CLEC4D: variants seen among roughly 807,000 people sequenced by gnomAD.
CLEC4D encodes the protein C-type lectin domain family 4 member D, also known as C-type (calcium dependent, carbohydrate-recognition domain) lectin, superfamily member 8.
CLEC4D carries 21 observed loss-of-function variants against 21.1 expected under a neutral mutation model. The ratio of observed to expected loss-of-function variants is 1.00; its 90% CI spans 0.71 to 1.43. The LOEUF is 1.43. Among genes scored for constraint, CLEC4D ranks in the 40% most tolerant of loss-of-function variants. CLEC4D has a pLI of 0.00. For synonymous variants in CLEC4D, 85 were observed against 83.1 expected, an observed-to-expected ratio of 1.02 and a Z score of -0.12; for missense variants, 289 against 260.7, an observed-to-expected ratio of 1.11 and a Z score of -0.75.
Position 8,513,803 on chromosome 12 carries a change from A to T in CLEC4D, c.28+43A>T, listed in dbSNP as rs760530743. ...TTTCCATTTCAAAGAAGCAGATGGA[A>T]TTATACTAATTTAAAACATATGAAT... On this transcript the variant is annotated intron_variant, in intron 1 of 5. Coordinates refer to ENST00000299665, the MANE Select transcript of CLEC4D (RefSeq NM_080387.5). The T allele has an allele frequency of 3.4e-6, 3 of 872,332 alleles. No individual in the cohort carries two copies. In the Admixed American group the frequency reaches 5.2e-5, roughly 15 times the overall value. The allele number at this position is 872,332 out of a possible 1,614,324, so 54.0% of individuals were successfully genotyped here. A position where few individuals can be genotyped will look rare whatever the true frequency, so the allele number is the denominator to read the frequency against.
In CLEC4D at chr12:8,513,588, C is replaced by A. The variant is rs945314580; in HGVS notation, c.-145C>A. On this transcript the variant is annotated 5_prime_UTR_variant, in exon 1 of 6. Transcript: ENST00000299665. ...CTAACTTTCTTATACTGGTACCTTT[C>A]TAATCTCACTACAATATGTAACATT... 3 of 463,598 alleles carry A rather than the reference C, an allele frequency of 6.5e-6. No individual in the cohort carries two copies. The highest frequency in any genetic ancestry group is 1.2e-5 in the Non-Finnish European group (3 of 252,740). 28.7% of individuals were successfully genotyped at this position (463,598 alleles called of 1,614,324 possible). A position where few individuals can be genotyped will look rare whatever the true frequency, so the allele number is the denominator to read the frequency against.
chr12:8,525,521 G>C (rs780688288), downstream of CLEC4D, among the ~76,000 whole-genome samples: 1 of 151,770 alleles, frequency 6.6e-6, no homozygotes, highest in Non-Finnish European at 1.5e-5. Context: ...CTACTTTTTC[G>C]TTTCTTTCCA....
chr12:8,514,203 T>C (rs1053441393), intron 1 of CLEC4D, among the ~76,000 whole-genome samples: 1 of 152,132 alleles, frequency 6.6e-6, no homozygotes, highest in Non-Finnish European at 1.5e-5. Context: ...AGTGTGGAAA[T>C]GTTTAAATTA....
intron 2 of CLEC4D, among the ~76,000 whole-genome samples, chr12:8,516,350 C>T (rs1224261272): frequency 1.3e-5 from 2 of 151,932 alleles, no homozygotes; most frequent in African/African-American, 4.8e-5. Flanking sequence ...ACTTGTAATG[C>T]ATATAATTAA....
intron 2 of CLEC4D, among the ~76,000 whole-genome samples, chr12:8,517,176 A>C (rs981339536): frequency 2.0e-5 from 3 of 152,160 alleles, no homozygotes; most frequent in Non-Finnish European, 4.4e-5. Context: ...TGTGAAGGCT[A>C]TCTGGGGTTT....
At chr12:8,531,694 GTAT>G in the CLEC4D span, among the ~76,000 whole-genome samples, 2 of 152,044 alleles carry the variant, frequency 1.3e-5, no homozygotes, top group African/African-American at 4.8e-5. Context: ...AAAAATTAAA[GTAT>G]TATCTGTTGT....
intron 2 of CLEC4D, among the ~76,000 whole-genome samples, chr12:8,517,351 A>T (rs1940393782): frequency 6.6e-6 from 1 of 152,060 alleles, no homozygotes; most frequent in Non-Finnish European, 1.5e-5. Flanking sequence ...CACAACGTGC[A>T]GGTTAGTTAC....
At chr12:8,519,252 T>C in intron 4 of CLEC4D, 92 bp downstream of exon 4, 1 of 1,456,884 alleles carries the variant, frequency 6.9e-7, no homozygotes. Flanking sequence ...CCTCTGTCTG[T>C]TTTCATCTGC....
rs193221637 is a variant in CLEC4D, at chr12:8,520,141, T to A, written c.385-85T>A. ...CAGAGCTTTTGTGCTTAACCAGTAA[T>A]CTAGTTGACATATTTCCTCTTTTTC... is the stretch of plus-strand genomic sequence containing the variant. On this transcript the variant is annotated intron_variant, in intron 4 of 5. Coordinates refer to ENST00000299665, the MANE Select transcript of CLEC4D (RefSeq NM_080387.5). The A allele has an allele frequency of 4.4e-5, 67 of 1,532,460 alleles. No homozygotes were observed. In the African/African-American group the frequency reaches 7.0e-4, roughly 16 times the overall value. 94.9% of individuals were successfully genotyped at this position (1,532,460 alleles called of 1,614,324 possible). A position where few individuals can be genotyped will look rare whatever the true frequency, so the allele number is the denominator to read the frequency against.
At chr12:8,517,901 G>A (rs954849807) in intron 2 of CLEC4D, among the ~76,000 whole-genome samples, 6 of 152,156 alleles carry the variant, frequency 3.9e-5, no homozygotes, top group African/African-American at 9.6e-5. Context: ...AGCCGAAATC[G>A]CGCCACTGCA....
At chr12:8,526,813 C>A (rs1940510588), downstream of CLEC4D, among the ~76,000 whole-genome samples, 1 of 152,212 alleles carries the variant, frequency 6.6e-6, no homozygotes, top group African/African-American at 2.4e-5. Flanking sequence ...TCTTTTTCAT[C>A]TTTGTGAGTT....
chr12:8,519,626 G>A (rs1331226182), intron 4 of CLEC4D, among the ~76,000 whole-genome samples: 2 of 152,196 alleles, frequency 1.3e-5, no homozygotes, highest in African/African-American at 2.4e-5. Flanking sequence ...GTGAATAAAT[G>A]AATGGTTAAT....
chr12:8,513,641 A>G lies in CLEC4D; in HGVS notation c.-92A>G. On this transcript the variant is annotated 5_prime_UTR_variant, in exon 1 of 6. The change creates a new upstream start codon in the 5' untranslated region. Coordinates refer to ENST00000299665, the MANE Select transcript of CLEC4D (RefSeq NM_080387.5). ...TGTTCGATCTCAAGTATTTCTGAAT[A>G]TATTCCCCTATCCACAGAAATATAC... 1 of 724,070 alleles carries G rather than the reference A, an allele frequency of 1.4e-6. No homozygotes were observed. The highest frequency in any genetic ancestry group is 2.5e-6 in the Non-Finnish European group (1 of 397,958). 44.9% of individuals were successfully genotyped at this position (724,070 alleles called of 1,614,324 possible).
chr12:8,519,236 G>A (rs1591720243), intron 4 of CLEC4D, 76 bp downstream of exon 4: 1 of 1,520,628 alleles, frequency 6.6e-7, no homozygotes. Flanking sequence ...TCTCTGTCCT[G>A]TTATGCCTCT....
At chr12:8,514,959 T>C (rs1207385941) in intron 1 of CLEC4D, among the ~76,000 whole-genome samples, 1 of 152,146 alleles carries the variant, frequency 6.6e-6, no homozygotes, top group African/African-American at 2.4e-5. Context: ...TTAATTTTTA[T>C]GTACTCAAAT....
In CLEC4D at chr12:8,521,210, A is replaced by T. The variant is rs755564474; in HGVS notation, c.587A>T (p.Asp196Val). 6.2e-7 allele frequency: 1 copy of T among 1,613,714 alleles called. No homozygotes were observed. Among genetic ancestry groups the T allele is most frequent in the South Asian group, 1.1e-5 (1 of 91,056 alleles). ...AACCAAGATAAATGGGCCTGGAATG[A>T]TGTTCCTTGTAACTTTGAAGCAAGT... ...VYNQDKWAWNDVPCNFEASRI... is the reference protein window; with the variant it reads ...VYNQDKWAWNVVPCNFEASRI... The change falls in exon 6 of 6, where the codon GAT becomes GTT. Residue 196 changes from aspartate (D) to valine (V), a missense_variant. Physicochemically the swap from Asp to Val is radical, Grantham distance 152. Transcript: ENST00000299665.
chr12:8,514,963 C>T (rs752959157), intron 1 of CLEC4D, among the ~76,000 whole-genome samples: 2 of 152,038 alleles, frequency 1.3e-5, no homozygotes, highest in Admixed American at 6.6e-5. Flanking sequence ...TTTTTATGTA[C>T]TCAAATTATC....
chr12:8,514,535 T>C (rs932286701), intron 1 of CLEC4D, among the ~76,000 whole-genome samples: 41 of 152,174 alleles, frequency 2.7e-4, no homozygotes, highest in African/African-American at 9.2e-4. Context: ...ATTGAAATTA[T>C]TGTGGCAAAT....
intron 2 of CLEC4D, among the ~76,000 whole-genome samples, chr12:8,515,797 G>A (rs999625209): frequency 8.6e-5 from 13 of 151,626 alleles, no homozygotes; most frequent in African/African-American, 2.9e-4. Flanking sequence ...CATATTTAAT[G>A]TATACATCTC....
Sources: allele counts gnomAD v4.1 joint callset (sites outside exome capture counted in the v4.1 genomes callset), GRCh38; gene constraint gnomAD v4.1.1; transcripts MANE v1.5; gene names NCBI Gene and HGNC (gene_info 2026-07-23, HGNC 2026-07-21).